The following MEP1A variants were observed in gnomAD, a reference collection of about 807,000 sequenced individuals.
MEP1A encodes the protein N-benzoyl-L-tyrosyl-P-amino-benzoic acid hydrolase subunit alpha.
Under a neutral mutation model 84.5 loss-of-function variants are expected in MEP1A, and 68 were observed. The ratio of observed to expected loss-of-function variants is 0.80; its 90% CI spans 0.66 to 0.98. The LOEUF (loss-of-function observed/expected upper bound fraction) is 0.98. MEP1A is among the 50% of genes least tolerant of loss of function. The probability of loss-of-function intolerance (pLI) is 0.00; values close to 1 mark genes in which losing one functional copy is unlikely to be tolerated. For missense variants in MEP1A, 887 were observed against 919.9 expected, an observed-to-expected ratio of 0.96 and a Z score of 0.46; for synonymous variants, 337 against 336.8, an observed-to-expected ratio of 1.00 and a Z score of -0.01.
At chr6:46,825,242 A>C in intron 7 of MEP1A, 30 bp from the exon 8 acceptor site, 1 of 1,479,180 alleles carries the variant, frequency 6.8e-7, no homozygotes, top group Non-Finnish European at 9.4e-7. Context: ...AACATGACTG[A>C]GAAGGACCTG....
At position 46,807,783 on chromosome 6, in the gene MEP1A, GAAAGAAAGAAA is replaced by G. The variant is rs1562106991; in HGVS notation, c.263-1636_263-1626del. Among the ~76,000 whole-genome samples the G allele has an allele frequency of 2.1e-3, 181 of 88,158 alleles. 4 individuals carry two copies. The highest frequency in any genetic ancestry group is 4.8e-3 in the African/African-American group (132 of 27,342). 57.8% of individuals were successfully genotyped at this position (88,158 alleles called of 152,430 possible). The stretch of plus-strand genomic sequence containing the variant: ...GGAAGGGAGAAAGGAAAGAAAGAAA[GAAAGAAAGAAA>G]GAAAGAAAGAAAGAAAGAAAGAAAG... On this transcript the variant is annotated intron_variant, in intron 5 of 13. Coordinates refer to ENST00000230588, the MANE Select transcript of MEP1A (RefSeq NM_005588.3).
rs115694979 is a variant in MEP1A, at chr6:46,839,073, G to A, written c.2178G>A (p.Thr726=). 703 of 1,613,666 alleles carry A rather than the reference G, an allele frequency of 4.4e-4. No homozygotes were observed. In the African/African-American group the frequency reaches 8.2e-3, roughly 19 times the overall value. Residue 726 remains threonine, a synonymous_variant, in exon 14 of 14, where the codon ACG becomes ACA. Coordinates refer to ENST00000230588, the MANE Select transcript of MEP1A (RefSeq NM_005588.3). ...GSVLGMVIGG[T]AGVIFLTFSI... is the part of the protein sequence containing the mutation. ...TCCTGGGCATGGTGATCGGAGGCAC[G>A]GCTGGCGTGATCTTCTTGACCTTCT...
At chr6:46,799,878 C>G (rs1238765443) in intron 5 of MEP1A, among the ~76,000 whole-genome samples, 2 of 152,114 alleles carry the variant, frequency 1.3e-5, no homozygotes, top group Non-Finnish European at 2.9e-5. Context: ...CTGCAAGGCC[C>G]CTCCTGCTTA....
chr6:46,807,582 AAGGAAGGAAGG>A (rs1767369130), intron 5 of MEP1A, among the ~76,000 whole-genome samples: 1 of 83,448 alleles, frequency 1.2e-5, no homozygotes, highest in African/African-American at 5.5e-5. Context: ...GGAAGGAAGG[AAGGAAGGAAGG>A]AAGGAAGGAA....
downstream of MEP1A, among the ~76,000 whole-genome samples, chr6:46,843,071 G>A: frequency 6.6e-6 from 1 of 152,182 alleles, no homozygotes; most frequent in Middle Eastern, 3.2e-3. Flanking sequence ...ATAATCTGAA[G>A]GCCAAGATCT....
At chr6:46,813,302 A>C (rs954836086) in intron 6 of MEP1A, among the ~76,000 whole-genome samples, 1 of 152,202 alleles carries the variant, frequency 6.6e-6, no homozygotes, top group African/African-American at 2.4e-5. Context: ...CATGAAATCA[A>C]GACGGAAATA....
At position 46,836,126 on chromosome 6, in the gene MEP1A, C is replaced by T. The variant is rs1481774186; in HGVS notation, c.2084+577C>T. Among the ~76,000 whole-genome samples the T allele has an allele frequency of 4.6e-5, 7 of 152,164 alleles. No homozygotes were observed. The South Asian group carries it at 8.3e-4, about 18-fold the overall frequency. Reference sequence around the variant, plus strand: ...GTGACATAAGGGCTCTCCTTATCCCCGTTTAGTGTGTCAAGAAGTTGAAGC... The same window carrying T: ...GTGACATAAGGGCTCTCCTTATCCCTGTTTAGTGTGTCAAGAAGTTGAAGC... On this transcript the variant is annotated intron_variant, in intron 13 of 13. Coordinates refer to ENST00000230588, the MANE Select transcript of MEP1A (RefSeq NM_005588.3).
In MEP1A at chr6:46,825,350, T is replaced by C. The variant is rs141464986; in HGVS notation, c.635T>C (p.Met212Thr). ...LNTPYDYESL[M>T]HYQPFSFNKN... Reference sequence around the variant, plus strand: ...ACACCCTATGATTATGAGTCTTTGATGCACTACCAGCCTTTCTCATTTAAC... The same window carrying C: ...ACACCCTATGATTATGAGTCTTTGACGCACTACCAGCCTTTCTCATTTAAC... Residue 212 changes from methionine (M) to threonine (T), a missense_variant, in exon 8 of 14, where the codon ATG becomes ACG. Transcript: ENST00000230588. 3.8e-5 allele frequency: 62 copies of C among 1,613,676 alleles called. No individual in the cohort carries two copies. In the African/African-American group the frequency reaches 6.9e-4, roughly 18 times the overall value.
rs1372260055 is a variant in MEP1A at position 46,825,398 on chromosome 6, T to C, written c.683T>C (p.Ile228Thr). The C allele has an allele frequency of 3.1e-6, 5 of 1,613,848 alleles. No homozygotes were observed. Among genetic ancestry groups the C allele is most frequent in the Non-Finnish European group, 4.2e-6 (5 of 1,179,840 alleles). The change falls in exon 8 of 14, where the codon ATC (isoleucine) becomes ACC (threonine). Residue 228 changes from isoleucine (I) to threonine (T), a missense_variant. Transcript: ENST00000230588. ...AACAAGAATGCAAGTGTTCCCACCATCACAGCCAAGATCCCTGAGTTTAAC... is the reference window on the plus strand; with the variant it reads ...AACAAGAATGCAAGTGTTCCCACCACCACAGCCAAGATCCCTGAGTTTAAC... ...SFNKNASVPT[I>T]TAKIPEFNSI...
At chr6:46,815,324 A>T (rs1767609561) in intron 6 of MEP1A, among the ~76,000 whole-genome samples, 1 of 152,016 alleles carries the variant, frequency 6.6e-6, no homozygotes, top group Non-Finnish European at 1.5e-5. Flanking sequence ...TCCAGGAGGG[A>T]TTATGGCTGC....
At chr6:46,794,285 G>A (rs1767001042) in intron 3 of MEP1A, among the ~76,000 whole-genome samples, 1 of 152,236 alleles carries the variant, frequency 6.6e-6, no homozygotes, top group Non-Finnish European at 1.5e-5. Flanking sequence ...TCTGAAATGA[G>A]AGAGAAGCCT....
intron 10 of MEP1A, among the ~76,000 whole-genome samples, chr6:46,832,832 G>A (rs552230948): frequency 2.6e-5 from 4 of 152,178 alleles, no homozygotes; most frequent in African/African-American, 9.6e-5. Context: ...ACAAATTCAC[G>A]GTTAAGATTT....
chr6:46,840,859 T>C (rs1357460466), downstream of MEP1A, among the ~76,000 whole-genome samples: 1 of 152,230 alleles, frequency 6.6e-6, no homozygotes, highest in Non-Finnish European at 1.5e-5. Flanking sequence ...AGATTGGAAA[T>C]GGATTTCAGC....
chr6:46,806,633 C>G (rs1767332224), intron 5 of MEP1A, among the ~76,000 whole-genome samples: 1 of 151,998 alleles, frequency 6.6e-6, no homozygotes, highest in African/African-American at 2.4e-5. Context: ...GGAGCCTTCT[C>G]CCATTTATGC....
At chr6:46,818,594 T>C (rs6458520) in intron 6 of MEP1A, among the ~76,000 whole-genome samples, 63,551 of 151,816 alleles carry the variant, frequency 0.42, 13,620 homozygotes, top group African/African-American at 0.5. Context: ...CATTCTACCG[T>C]AAGGAATTCA....
chr6:46,809,384 A>G, intron 5 of MEP1A, 36 bp from the exon 6 acceptor site: 1 of 1,335,460 alleles, frequency 7.5e-7, no homozygotes, highest in Non-Finnish European at 1.1e-6. Context: ...CTAAGGTCCA[A>G]ATAATGCTCA....
At chr6:46,807,795 GAAA>G (rs1767390656) in intron 5 of MEP1A, among the ~76,000 whole-genome samples, 2 of 141,898 alleles carry the variant, frequency 1.4e-5, no homozygotes, top group African/African-American at 5.1e-5. Context: ...AAGAAAGAAA[GAAA>G]GAAAGAAAGA....
At chr6:46,830,336 T>C (rs1488758999) in intron 10 of MEP1A, among the ~76,000 whole-genome samples, 1 of 151,438 alleles carries the variant, frequency 6.6e-6, no homozygotes, top group East Asian at 1.9e-4. Flanking sequence ...CATTATTTAA[T>C]ATGCTGAAGT....
downstream of MEP1A, among the ~76,000 whole-genome samples, chr6:46,840,057 T>G (rs528225275): frequency 6.6e-6 from 1 of 151,062 alleles, no homozygotes; most frequent in African/African-American, 2.4e-5. Context: ...AAAGCTAAAG[T>G]TTCTATACCC....
Sources: gnomAD v4.1 joint callset for allele counts (sites outside exome capture counted in the v4.1 genomes callset) on GRCh38, gnomAD v4.1.1 for gene constraint, MANE v1.5 for transcripts, NCBI Gene and HGNC (gene_info 2026-07-23, HGNC 2026-07-21) for gene names.